GUCA1B: variants seen among roughly 807,000 people sequenced by gnomAD.
GUCA1B encodes guanylate cyclase activator 1B, also known as guanylyl cyclase-activating protein 2.
A neutral mutation model predicts 24.2 loss-of-function variants in GUCA1B; 22 were observed. The observed-to-expected ratio is 0.91, with a 90% confidence interval of 0.65 to 1.30. The LOEUF is 1.30. Among genes scored for constraint, GUCA1B ranks in the 50% most tolerant of loss-of-function variants. The pLI, the probability that GUCA1B is intolerant of heterozygous loss-of-function variation, is 0.00. For synonymous variants in GUCA1B, 100 were observed against 97.9 expected (o/e 1.02, Z -0.13); for missense variants, 221 against 258.8 (o/e 0.85, Z 1.00).
At chr6:42,193,418 C>T (rs1050218974) in intron 1 of GUCA1B, among the ~76,000 whole-genome samples, 3 of 152,186 alleles carry the variant, frequency 2.0e-5, no homozygotes, top group Non-Finnish European at 4.4e-5. Flanking sequence ...GTCATCTTCT[C>T]TCTTTAAAAA....
chr6:42,194,815 C>T lies in GUCA1B; in HGVS notation c.6G>A (p.Gly2=), dbSNP rs879240807. The stretch of plus-strand genomic sequence containing the variant: ...CCGCCTCCTCCCAGCTAAACTCCTG[C>T]CCCATGCTAGCCCTGAGGAGCATCA... M[G]QEFSWEEAEA... is the part of the protein sequence containing the mutation. The change falls in exon 1 of 4, where the codon GGG becomes GGA. Residue 2 remains glycine, a synonymous_variant. Coordinates refer to ENST00000230361, the MANE Select transcript of GUCA1B (RefSeq NM_002098.6). The T allele has an allele frequency of 6.4e-7, 1 of 1,561,190 alleles. No individual in the cohort carries two copies. Among genetic ancestry groups the T allele is most frequent in the Non-Finnish European group, 8.7e-7 (1 of 1,152,418 alleles).
chr6:42,194,246 C>A (rs1406596260), intron 1 of GUCA1B, among the ~76,000 whole-genome samples: 1 of 152,192 alleles, frequency 6.6e-6, no homozygotes, highest in Non-Finnish European at 1.5e-5. Flanking sequence ...TTTAGAGTGA[C>A]AGGGGCTCTG....
At chr6:42,192,179 C>A (rs1768316580) in intron 1 of GUCA1B, among the ~76,000 whole-genome samples, 1 of 150,288 alleles carries the variant, frequency 6.7e-6, no homozygotes, top group Non-Finnish European at 1.5e-5. Context: ...CATGGTGAAA[C>A]CCCATCTCTA....
intron 1 of GUCA1B, among the ~76,000 whole-genome samples, chr6:42,192,674 T>G (rs1768331330): frequency 6.6e-6 from 1 of 152,150 alleles, no homozygotes; most frequent in Non-Finnish European, 1.5e-5. Context: ...ATTGTGCCAC[T>G]GCACTCTAGC....
chr6:42,187,356 G>T (rs1037056432), intron 2 of GUCA1B, among the ~76,000 whole-genome samples: 2 of 151,120 alleles, frequency 1.3e-5, no homozygotes, highest in African/African-American at 4.9e-5. Context: ...TTCCTGCCTC[G>T]GCCTCCCAAA....
At chr6:42,187,418 C>CT (rs70987578) in intron 2 of GUCA1B, among the ~76,000 whole-genome samples, 1,538 of 129,556 alleles carry the variant, frequency 0.012, 22 homozygotes, top group African/African-American at 0.039. Context: ...GTTTATTTTA[C>CT]TTTTTTTTTT....
At position 42,192,400 on chromosome 6, in the gene GUCA1B, GAAAAGAA is replaced by G. The variant is rs1562064948; in HGVS notation, c.207+2207_207+2213del. On this transcript the variant is annotated intron_variant, in intron 1 of 3. Coordinates refer to ENST00000230361, the MANE Select transcript of GUCA1B (RefSeq NM_002098.6). ...AAAAAAGAGAGAAAAGAAAAGAAAA[GAAAAGAA>G]AAAGGAAAAAAGAAAGAAACCTGGC... 5.8e-4 allele frequency among the ~76,000 whole-genome samples: 35 copies of G among 60,518 alleles called. 3 individuals carry two copies. Among genetic ancestry groups the G allele is most frequent in the African/African-American group, 2.2e-3 (32 of 14,614 alleles). 39.7% of individuals were successfully genotyped at this position (60,518 alleles called of 152,430 possible).
chr6:42,188,114 G>A (rs1295153191), intron 2 of GUCA1B, among the ~76,000 whole-genome samples: 1 of 152,064 alleles, frequency 6.6e-6, no homozygotes, highest in Non-Finnish European at 1.5e-5. Context: ...CCAAAGTGCT[G>A]GGATTACAGG....
intron 1 of GUCA1B, 102 bp from the exon 2 acceptor site, chr6:42,188,833 T>A: frequency 9.1e-7 from 1 of 1,093,190 alleles, no homozygotes. Flanking sequence ...TTTTAATCCA[T>A]GTGGCCTCTG....
At chr6:42,192,022 G>A (rs1485590255) in intron 1 of GUCA1B, among the ~76,000 whole-genome samples, 1 of 138,706 alleles carries the variant, frequency 7.2e-6, no homozygotes, top group East Asian at 2.1e-4. Flanking sequence ...ACAAGTAAAT[G>A]CAATGTATGA....
At position 42,184,880 on chromosome 6, in the gene GUCA1B, G is replaced by C. The variant is rs1387427799; in HGVS notation, c.538C>G (p.Leu180Val). The change falls in exon 4 of 4, where the codon CTG becomes GTG. Residue 180 changes from leucine to valine, a missense_variant. Coordinates refer to ENST00000230361, the MANE Select transcript of GUCA1B (RefSeq NM_002098.6). Reference sequence around the variant, plus strand: ...CTGCTGGGATTCATGTCCATCTGCAGCATCTTCATCACCCACTTGTCCCGA... The same window carrying C: ...CTGCTGGGATTCATGTCCATCTGCACCATCTTCATCACCCACTTGTCCCGA... Reference protein sequence around the residue: ...ARRDKWVMKMLQMDMNPSSWL... With the variant: ...ARRDKWVMKMVQMDMNPSSWL... The C allele has an allele frequency of 9.3e-6, 15 of 1,614,024 alleles. No homozygotes were observed. Among genetic ancestry groups the C allele is most frequent in the Non-Finnish European group, 1.3e-5 (15 of 1,179,868 alleles).
rs1768370776 is a variant in GUCA1B at position 42,194,824 on chromosome 6, A to AG, written c.-5dup. On this transcript the variant is annotated 5_prime_UTR_variant, in exon 1 of 4. The change creates a premature stop within an existing upstream ORF in the 5' untranslated region. Coordinates refer to ENST00000230361, the MANE Select transcript of GUCA1B (RefSeq NM_002098.6). ...CCCAGCTAAACTCCTGCCCCATGCT[A>AG]GCCCTGAGGAGCATCAGGGAGCAAG... The AG allele has an allele frequency of 6.4e-7, 1 of 1,554,044 alleles. No homozygotes were observed. Among genetic ancestry groups the AG allele is most frequent in the African/African-American group, 1.4e-5 (1 of 73,264 alleles).
chr6:42,189,065 A>G (rs9688757), intron 1 of GUCA1B, among the ~76,000 whole-genome samples: 49,287 of 151,894 alleles, frequency 0.32, 10,657 homozygotes, highest in African/African-American at 0.62. Flanking sequence ...TTACAGGCAT[A>G]AGCCACCACA....
At chr6:42,188,293 CGT>C (rs151241798) in intron 2 of GUCA1B, among the ~76,000 whole-genome samples, 8,187 of 143,136 alleles carry the variant, frequency 0.057, 238 homozygotes, top group East Asian at 0.14. Context: ...AGATACTTGT[CGT>C]GTGTGTGTGT....
intron 1 of GUCA1B, among the ~76,000 whole-genome samples, chr6:42,193,982 C>T (rs1768355237): frequency 1.3e-5 from 2 of 152,182 alleles, no homozygotes; most frequent in African/African-American, 2.4e-5. Context: ...GATGTGTTAT[C>T]TTCTTAGCTG....
At chr6:42,189,712 ACT>A (rs1312650700) in intron 1 of GUCA1B, among the ~76,000 whole-genome samples, 2 of 152,166 alleles carry the variant, frequency 1.3e-5, no homozygotes, top group African/African-American at 4.8e-5. Flanking sequence ...TTCTAAGGTG[ACT>A]CTCACCAGGA....
In GUCA1B at chr6:42,190,624, AT is replaced by A. The variant is rs148537341; in HGVS notation, c.208-1894del. 4.1e-3 allele frequency among the ~76,000 whole-genome samples: 630 copies of A among 152,156 alleles called. 3 individuals carry two copies. The highest frequency in any genetic ancestry group is 0.015 in the African/African-American group (614 of 41,500). On this transcript the variant is annotated intron_variant, in intron 1 of 3. Transcript: ENST00000230361. ...TTAATGAGAATTAGTTATTATCCCC[AT>A]TTTATGGATGAGGAGCCTGAGACCC... is the stretch of plus-strand genomic sequence containing the variant.
chr6:42,189,510 T>A (rs1456303397), intron 1 of GUCA1B, among the ~76,000 whole-genome samples: 2 of 152,192 alleles, frequency 1.3e-5, no homozygotes, highest in African/African-American at 4.8e-5. Flanking sequence ...ATGTTGAAAT[T>A]TTCCTCTGCA....
rs185563779 is a variant in GUCA1B at position 42,184,679 on chromosome 6, C to A, written c.*136G>T. 2 of 920,810 alleles carry A rather than the reference C, an allele frequency of 2.2e-6. No homozygotes were observed. Among genetic ancestry groups the A allele is most frequent in the Admixed American group, 3.4e-5 (2 of 58,086 alleles). The allele number at this position is 920,810 out of a possible 1,614,324, so 57.0% of individuals were successfully genotyped here. On this transcript the variant is annotated 3_prime_UTR_variant, in exon 4 of 4. Transcript: ENST00000230361. ...TCAAACCCAGCAGCCCTTCCCCATC[C>A]CCACTCAGCCCTGCACAGGGGGTGC...
Sources: allele counts gnomAD v4.1 joint callset (sites outside exome capture counted in the v4.1 genomes callset), GRCh38; gene constraint gnomAD v4.1.1; transcripts MANE v1.5; gene names NCBI Gene and HGNC (gene_info 2026-07-23, HGNC 2026-07-21).